TRIM9: variants seen among roughly 807,000 people sequenced by gnomAD.
TRIM9 encodes the protein tripartite motif containing 9, also known as E3 ubiquitin-protein ligase TRIM9.
Under a neutral mutation model 78.3 loss-of-function variants are expected in TRIM9, and 26 were observed. The observed-to-expected ratio is 0.33, with a 90% confidence interval of 0.24 to 0.46. The LOEUF (loss-of-function observed/expected upper bound fraction) is 0.46, where lower values mean the gene tolerates loss of function less well. Among genes scored for constraint, TRIM9 ranks in the 20% least tolerant of loss-of-function variants. The pLI, the probability that TRIM9 is intolerant of heterozygous loss-of-function variation, is 1.00. For missense variants in TRIM9, 787 were observed against 1,036.4 expected (o/e 0.76, Z 3.30); for synonymous variants, 398 against 416.5 (o/e 0.96, Z 0.54).
chr14:51,076,172 G>A (rs1374403556), intron 1 of TRIM9, among the ~76,000 whole-genome samples: 3 of 152,206 alleles, frequency 2.0e-5, no homozygotes, highest in Admixed American at 6.5e-5. Flanking sequence ...AGGTACAGAT[G>A]GGATAAATAA....
intron 6 of TRIM9, among the ~76,000 whole-genome samples, chr14:50,998,640 G>C (rs1009527717): frequency 6.6e-6 from 1 of 152,154 alleles, no homozygotes; most frequent in South Asian, 2.1e-4. Context: ...AAACAGGAAG[G>C]TGGTCTCTAT....
chr14:50,980,200 C>A (rs1393563649), intron 11 of TRIM9, among the ~76,000 whole-genome samples: 1 of 152,126 alleles, frequency 6.6e-6, no homozygotes, highest in African/African-American at 2.4e-5. Context: ...AATGACAGCA[C>A]TGAAGAAGAG....
chr14:50,999,756 C>T (rs75724366), intron 6 of TRIM9, among the ~76,000 whole-genome samples: 5,583 of 152,216 alleles, frequency 0.037, 154 homozygotes, highest in African/African-American at 0.067. Context: ...AACGGCTGCT[C>T]CCTTAGGAAG....
In TRIM9 at chr14:50,977,211, A is replaced by T; in HGVS notation, c.*80T>A. ...CCCACTCCTGCCAACTCTGCACCCC[A>T]CCACGGCTGGCTGAGCTCCTTGCTG... On this transcript the variant is annotated 3_prime_UTR_variant, in exon 13 of 13. Transcript: ENST00000684578. 1 of 1,257,334 alleles carries T rather than the reference A, an allele frequency of 8.0e-7. No homozygotes were observed. The highest frequency in any genetic ancestry group is 1.1e-6 in the Non-Finnish European group (1 of 948,666). The allele number at this position is 1,257,334 out of a possible 1,614,324, so 77.9% of individuals were successfully genotyped here. A position where few individuals can be genotyped will look rare whatever the true frequency, so the allele number is the denominator to read the frequency against.
intron 1 of TRIM9, among the ~76,000 whole-genome samples, chr14:51,064,837 T>C (rs577655030): frequency 6.6e-6 from 1 of 152,250 alleles, no homozygotes; most frequent in South Asian, 2.1e-4. Flanking sequence ...CCCATATCTA[T>C]TAAAATATTG....
At chr14:51,025,062 C>T (rs973690881) in intron 2 of TRIM9, among the ~76,000 whole-genome samples, 4 of 152,096 alleles carry the variant, frequency 2.6e-5, no homozygotes, top group Admixed American at 6.5e-5. Flanking sequence ...GCTGTGTTTC[C>T]GGCTTGTTGG....
chr14:50,993,620 G>A (rs2053820170), intron 7 of TRIM9, among the ~76,000 whole-genome samples: 1 of 152,194 alleles, frequency 6.6e-6, no homozygotes, highest in South Asian at 2.1e-4. Flanking sequence ...TGCCCAACAT[G>A]ACTGCAAGTA....
intron 1 of TRIM9, among the ~76,000 whole-genome samples, chr14:51,052,296 G>A (rs976512322): frequency 1.3e-5 from 2 of 152,062 alleles, no homozygotes; most frequent in Non-Finnish European, 2.9e-5. Flanking sequence ...TTGAGGGGAC[G>A]CCTTAAAAAT....
intron 1 of TRIM9, among the ~76,000 whole-genome samples, chr14:51,078,312 T>A (rs138648886): frequency 6.6e-6 from 1 of 152,318 alleles, no homozygotes. Flanking sequence ...AAATACTAAA[T>A]GAAATTAATT....
At chr14:50,997,581 A>G in intron 7 of TRIM9, 1 of 1,002,272 alleles carries the variant, frequency 1.0e-6, no homozygotes, top group Non-Finnish European at 1.2e-6. Context: ...CCCATTTGAA[A>G]CACATTCAGT....
chr14:51,077,342 G>A (rs1405974918), intron 1 of TRIM9, among the ~76,000 whole-genome samples: 1 of 150,518 alleles, frequency 6.6e-6, no homozygotes, highest in Non-Finnish European at 1.5e-5. Context: ...GCGACCATGA[G>A]CTGTCAAACT....
intron 1 of TRIM9, among the ~76,000 whole-genome samples, chr14:51,063,228 G>A (rs2061485609): frequency 6.6e-6 from 1 of 151,994 alleles, no homozygotes; most frequent in Non-Finnish European, 1.5e-5. Flanking sequence ...CAATTTAATG[G>A]GCTTAACAAT....
intron 12 of TRIM9, 49 bp downstream of exon 12, chr14:50,979,338 G>A (rs767724265): frequency 1.2e-6 from 2 of 1,614,100 alleles, no homozygotes; most frequent in Non-Finnish European, 1.7e-6. Context: ...GGCAGCCTTT[G>A]AACCGGTAGC....
At chr14:51,082,939 C>A (rs2063438342) in intron 1 of TRIM9, among the ~76,000 whole-genome samples, 1 of 152,178 alleles carries the variant, frequency 6.6e-6, no homozygotes, top group Admixed American at 6.5e-5. Context: ...AAAGCTTGGT[C>A]TTGGCACTTG....
chr14:50,978,559 C>T (rs192653737), intron 12 of TRIM9, among the ~76,000 whole-genome samples: 25 of 152,310 alleles, frequency 1.6e-4, no homozygotes, highest in African/African-American at 5.1e-4. Flanking sequence ...CTCAGCTCAC[C>T]GGTAACTGCG....
At position 50,982,967 on chromosome 14, in the gene TRIM9, T is replaced by C. The variant is rs1377670564; in HGVS notation, c.1835-2A>G. On this transcript the variant is annotated splice_acceptor_variant, in intron 9 of 12. Coordinates refer to ENST00000684578, the MANE Select transcript of TRIM9 (RefSeq NM_001387360.1). LOFTEE classifies it high-confidence loss of function. ...CTGCCAACAGCTTTTTAATGTCAAC[T>C]GTTGTCATTCCAAGTGAAAGGCATG... 6.5e-7 allele frequency: 1 copy of C among 1,549,178 alleles called. No individual in the cohort carries two copies.
At chr14:51,059,581 C>T (rs1410638776) in intron 1 of TRIM9, among the ~76,000 whole-genome samples, 1 of 152,070 alleles carries the variant, frequency 6.6e-6, no homozygotes, top group Non-Finnish European at 1.5e-5. Flanking sequence ...AGGTGGATCA[C>T]GAGGTCAGGA....
chr14:51,066,455 T>C (rs954625416), intron 1 of TRIM9, among the ~76,000 whole-genome samples: 1 of 152,198 alleles, frequency 6.6e-6, no homozygotes, highest in African/African-American at 2.4e-5. Flanking sequence ...GAACACCACA[T>C]TCCTGATTTT....
At chr14:50,982,866 A>G (rs2052154258) in intron 10 of TRIM9, 76 bp downstream of exon 10, 1 of 1,381,458 alleles carries the variant, frequency 7.2e-7, no homozygotes, top group Non-Finnish European at 1.0e-6. Flanking sequence ...GTAATTGCTG[A>G]TTTATTAAAC....
Sources: allele counts gnomAD v4.1 joint callset (sites outside exome capture counted in the v4.1 genomes callset), GRCh38; gene constraint gnomAD v4.1.1; transcripts MANE v1.5; gene names NCBI Gene and HGNC (gene_info 2026-07-23, HGNC 2026-07-21).